The following NUDCD3 variants were observed in gnomAD, a reference collection of about 807,000 sequenced individuals.
The protein encoded by NUDCD3 is nudC domain-containing protein 3.
NUDCD3 carries 13 observed loss-of-function variants against 39.7 expected under a neutral mutation model. The ratio of observed to expected loss-of-function variants is 0.33; its 90% CI spans 0.21 to 0.52. The LOEUF is 0.52. Among genes scored for constraint, NUDCD3 ranks in the 20% least tolerant of loss-of-function variants. The pLI, the probability that NUDCD3 is intolerant of heterozygous loss-of-function variation, is 0.96. For synonymous variants in NUDCD3, 175 were observed against 172.4 expected, an observed-to-expected ratio of 1.02 and a Z score of -0.12; for missense variants, 453 against 458.1, an observed-to-expected ratio of 0.99 and a Z score of 0.10.
At chr7:44,394,348 G>T (rs780909546) in intron 4 of NUDCD3, among the ~76,000 whole-genome samples, 19 of 152,182 alleles carry the variant, frequency 1.2e-4, no homozygotes, top group Non-Finnish European at 2.5e-4. Flanking sequence ...TGCTAAGCTG[G>T]TTTGTCGTTG....
rs1800446026 is a variant in NUDCD3 at position 44,479,540 on chromosome 7, T to C, written c.509+5428A>G. On this transcript the variant is annotated intron_variant, in intron 2 of 5. Coordinates refer to ENST00000355451, the MANE Select transcript of NUDCD3 (RefSeq NM_015332.4). ...TTATTTTTAATCTTGTTTCTTTCTT[T>C]CCCAGCACTTACACTGAATTTATTT... 2.0e-5 allele frequency among the ~76,000 whole-genome samples: 3 copies of C among 152,200 alleles called. No homozygotes were observed. In the South Asian group the frequency reaches 6.2e-4, roughly 32 times the overall value.
chr7:44,434,003 G>A (rs74925659), intron 2 of NUDCD3, among the ~76,000 whole-genome samples: 152 of 152,210 alleles, frequency 1.0e-3, no homozygotes, highest in African/African-American at 3.0e-3. Context: ...ATGGAAATAC[G>A]GTGAATTTTC....
intron 2 of NUDCD3, among the ~76,000 whole-genome samples, chr7:44,477,305 G>A (rs1215596626): frequency 6.6e-6 from 1 of 152,092 alleles, no homozygotes; most frequent in Non-Finnish European, 1.5e-5. Flanking sequence ...TCATCCAAAG[G>A]ACAAAAAGAT....
rs1428054495 is a variant in NUDCD3, at chr7:44,379,954, G to C, written c.*6057C>G. On this transcript the variant is annotated 3_prime_UTR_variant, in exon 6 of 6. Coordinates refer to ENST00000355451, the MANE Select transcript of NUDCD3 (RefSeq NM_015332.4). ...AGAGGTGTGAAGGTGATTCCTCTCT[G>C]AGCTGGAGGTGGAAGCAAATGGGAA... 2 of 152,542 alleles carry C rather than the reference G, an allele frequency of 1.3e-5. No homozygotes were observed. Among genetic ancestry groups the C allele is most frequent in the Non-Finnish European group, 2.9e-5 (2 of 68,312 alleles). 9.4% of individuals were successfully genotyped at this position (152,542 alleles called of 1,614,324 possible). A position where few individuals can be genotyped will look rare whatever the true frequency, so the allele number is the denominator to read the frequency against.
Position 44,430,242 on chromosome 7 carries a change from C to T in NUDCD3, c.510-2539G>A, listed in dbSNP as rs557163687. On this transcript the variant is annotated intron_variant, in intron 2 of 5. Coordinates refer to ENST00000355451, the MANE Select transcript of NUDCD3 (RefSeq NM_015332.4). ...ACCCTGCAGCCCCTGTACCCAGGTG[C>T]GGTCCCACGGCCACGGCAGCAGCAC... is the stretch of plus-strand genomic sequence containing the variant. Among the ~76,000 whole-genome samples the T allele has an allele frequency of 5.9e-5, 9 of 152,278 alleles. No homozygotes were observed. The East Asian group carries it at 7.7e-4, about 13-fold the overall frequency.
intron 3 of NUDCD3, among the ~76,000 whole-genome samples, chr7:44,423,930 C>A (rs183937151): frequency 6.6e-6 from 1 of 152,048 alleles, no homozygotes; most frequent in African/African-American, 2.4e-5. Flanking sequence ...GGCATAGTAC[C>A]GGTACCAAAA....
At chr7:44,427,487 C>T in intron 3 of NUDCD3, 84 bp downstream of exon 3, 3 of 1,487,154 alleles carry the variant, frequency 2.0e-6, no homozygotes, top group Non-Finnish European at 2.7e-6. Flanking sequence ...TCAACACTCC[C>T]TCAAGGATGC....
intron 2 of NUDCD3, among the ~76,000 whole-genome samples, chr7:44,464,039 C>G (rs1169303997): frequency 6.6e-6 from 1 of 151,590 alleles, no homozygotes; most frequent in Non-Finnish European, 1.5e-5. Flanking sequence ...TATGGTGAAA[C>G]CCCGTCTCTA....
chr7:44,386,685 T>C (rs1319334654), intron 5 of NUDCD3, among the ~76,000 whole-genome samples: 2 of 152,186 alleles, frequency 1.3e-5, no homozygotes, highest in Non-Finnish European at 2.9e-5. Context: ...GAATGTCCAG[T>C]GGTAGACCCG....
intron 4 of NUDCD3, among the ~76,000 whole-genome samples, chr7:44,399,942 T>G (rs1334497770): frequency 1.3e-5 from 2 of 152,232 alleles, no homozygotes; most frequent in Non-Finnish European, 2.9e-5. Context: ...AAATGACTTG[T>G]GTGCGCACCA....
Position 44,427,562 on chromosome 7 carries a change from G to A in NUDCD3, c.642+9C>T. On this transcript the variant is annotated intron_variant, in intron 3 of 5. Transcript: ENST00000355451. ...GAAGCCGCCCACCCCTACCCGCCAA[G>A]GCCATTACCTGCTTTCCCTTCACCA... 6.2e-7 allele frequency: 1 copy of A among 1,611,016 alleles called. No individual in the cohort carries two copies. Among genetic ancestry groups the A allele is most frequent in the East Asian group, 2.2e-5 (1 of 44,674 alleles).
At chr7:44,480,682 C>G (rs1298374354) in intron 2 of NUDCD3, among the ~76,000 whole-genome samples, 10 of 152,028 alleles carry the variant, frequency 6.6e-5, no homozygotes, top group Non-Finnish European at 8.8e-5. Context: ...TGCCTCACAC[C>G]TATAATCCCA....
At chr7:44,451,729 C>T (rs1799797289) in intron 2 of NUDCD3, among the ~76,000 whole-genome samples, 1 of 152,022 alleles carries the variant, frequency 6.6e-6, no homozygotes, top group Admixed American at 6.6e-5. Flanking sequence ...GGTGTACATA[C>T]ATCAAAACTT....
At chr7:44,470,527 T>C (rs982591996) in intron 2 of NUDCD3, among the ~76,000 whole-genome samples, 3 of 152,212 alleles carry the variant, frequency 2.0e-5, no homozygotes, top group African/African-American at 4.8e-5. Flanking sequence ...CTTGGCTTAA[T>C]TAAAGGAGAT....
chr7:44,391,365 G>A (rs370985682), intron 5 of NUDCD3, among the ~76,000 whole-genome samples: 268 of 152,220 alleles, frequency 1.8e-3, no homozygotes, highest in African/African-American at 5.9e-3. Flanking sequence ...AAGAACGGAC[G>A]AGACACAGCA....
chr7:44,405,986 G>C (rs1798812452), intron 3 of NUDCD3, among the ~76,000 whole-genome samples: 1 of 152,044 alleles, frequency 6.6e-6, no homozygotes, highest in Non-Finnish European at 1.5e-5. Context: ...TTTTTGTAGA[G>C]ACAGGGGTCT....
intron 2 of NUDCD3, among the ~76,000 whole-genome samples, chr7:44,458,936 C>CTCTGTGTGTGTGTGTG (rs1554493956): frequency 8.6e-6 from 1 of 116,062 alleles, no homozygotes; most frequent in African/African-American, 3.3e-5. Context: ...ACGGGGAGTG[C>CTCTGTGTGTGTGTGTG]TGTGTGTGTG....
chr7:44,462,465 C>T (rs1194415047), intron 2 of NUDCD3, among the ~76,000 whole-genome samples: 2 of 152,162 alleles, frequency 1.3e-5, no homozygotes, highest in Non-Finnish European at 2.9e-5. Flanking sequence ...AGAAAATGTT[C>T]CTAAATAGGA....
chr7:44,486,639 G>A (rs140033841), intron 1 of NUDCD3, among the ~76,000 whole-genome samples: 2 of 152,228 alleles, frequency 1.3e-5, no homozygotes, highest in African/African-American at 4.8e-5. Flanking sequence ...GGTCTCTACC[G>A]CTTTGAGTCC....
Sources: allele counts gnomAD v4.1 joint callset (sites outside exome capture counted in the v4.1 genomes callset), GRCh38; gene constraint gnomAD v4.1.1; transcripts MANE v1.5; gene names NCBI Gene and HGNC (gene_info 2026-07-23, HGNC 2026-07-21).